The following ZNRF3 variants were observed in gnomAD, a reference collection of about 807,000 sequenced individuals.
The protein encoded by ZNRF3 is zinc and ring finger 3.
Under a neutral mutation model 72.5 loss-of-function variants are expected in ZNRF3, and 23 were observed. The ratio of observed to expected loss-of-function variants is 0.32; its 90% CI spans 0.23 to 0.45. ZNRF3 has a LOEUF of 0.45. Among genes scored for constraint, ZNRF3 ranks in the 20% least tolerant of loss-of-function variants. The probability of loss-of-function intolerance (pLI) is 1.00; values close to 1 mark genes in which losing one functional copy is unlikely to be tolerated. For missense variants in ZNRF3, 1,169 were observed against 1,272.1 expected (o/e 0.92, Z 1.23); for synonymous variants, 610 against 545.3 (o/e 1.12, Z -1.65).
intron 1 of ZNRF3, among the ~76,000 whole-genome samples, chr22:28,976,221 C>CT (rs1213052395): frequency 6.6e-6 from 1 of 152,182 alleles, no homozygotes; most frequent in African/African-American, 2.4e-5. Context: ...TGCCACTGCA[C>CT]TCCAGCATGG....
Position 29,057,299 on chromosome 22 carries a change from G to A in ZNRF3, c.*3677G>A, listed in dbSNP as rs2037317069. The A allele has an allele frequency of 6.6e-6, 1 of 152,184 alleles. No homozygotes were observed. The highest frequency in any genetic ancestry group is 2.1e-4 in the South Asian group (1 of 4,838). 9.4% of individuals were successfully genotyped at this position (152,184 alleles called of 1,614,324 possible). ...TCTTAAGCCATGTCTTATGTTGAGA[G>A]TGTGACATTGTTGGAATAATCATTG... On this transcript the variant is annotated 3_prime_UTR_variant, in exon 9 of 9. Transcript: ENST00000544604.
intron 1 of ZNRF3, among the ~76,000 whole-genome samples, chr22:28,895,389 T>C (rs978705308): frequency 2.0e-5 from 3 of 152,216 alleles, no homozygotes; most frequent in Admixed American, 6.5e-5. Flanking sequence ...TTGAAAATGC[T>C]GTGACTCCGG....
intron 6 of ZNRF3, among the ~76,000 whole-genome samples, chr22:29,047,543 C>T (rs2037098887): frequency 6.6e-6 from 1 of 152,198 alleles, no homozygotes; most frequent in South Asian, 2.1e-4. Context: ...GGGTTCTAAT[C>T]CTGACCTGGG....
intron 1 of ZNRF3, among the ~76,000 whole-genome samples, chr22:28,939,113 C>T (rs1176770305): frequency 6.6e-6 from 1 of 151,926 alleles, no homozygotes; most frequent in Non-Finnish European, 1.5e-5. Flanking sequence ...GGCAAAACTC[C>T]GTCTTTACTA....
At chr22:29,014,498 C>T (rs957836259) in intron 2 of ZNRF3, among the ~76,000 whole-genome samples, 2 of 152,164 alleles carry the variant, frequency 1.3e-5, no homozygotes, top group African/African-American at 4.8e-5. Context: ...ATCTCCCTGC[C>T]GCTCCGTGTT....
At chr22:28,979,715 C>T (rs2035732218) in intron 1 of ZNRF3, among the ~76,000 whole-genome samples, 1 of 152,214 alleles carries the variant, frequency 6.6e-6, no homozygotes, top group South Asian at 2.1e-4. Context: ...GGCCTGCCTC[C>T]AGGCCAGAGG....
chr22:29,002,557 A>C (rs1431265589), intron 2 of ZNRF3, among the ~76,000 whole-genome samples: 2 of 152,204 alleles, frequency 1.3e-5, no homozygotes, highest in African/African-American at 4.8e-5. Context: ...TAGAATGTTA[A>C]AGATCTAAAA....
chr22:28,892,091 C>T (rs74346001), intron 1 of ZNRF3, among the ~76,000 whole-genome samples: 82 of 152,342 alleles, frequency 5.4e-4, no homozygotes, highest in African/African-American at 1.9e-3. Context: ...AAAGAGGTCA[C>T]GTCCCATGTT....
intron 1 of ZNRF3, among the ~76,000 whole-genome samples, chr22:28,932,763 G>T (rs1032605912): frequency 3.9e-5 from 6 of 152,178 alleles, no homozygotes; most frequent in Non-Finnish European, 8.8e-5. Flanking sequence ...CGTCACAGAA[G>T]AAAGTCACCA....
At chr22:29,040,186 C>T (rs566223294) in intron 2 of ZNRF3, among the ~76,000 whole-genome samples, 1 of 145,920 alleles carries the variant, frequency 6.9e-6, no homozygotes, top group Middle Eastern at 3.5e-3. Context: ...CCCCCTCCCC[C>T]TTTTTTTTTT....
rs974642036 is a variant in ZNRF3, at chr22:29,055,550, C to G, written c.*1928C>G. The G allele has an allele frequency of 6.6e-6, 1 of 152,260 alleles. No individual in the cohort carries two copies. The allele number at this position is 152,260 out of a possible 1,614,324, so 9.4% of individuals were successfully genotyped here. ...CCACTGAGGCTTCACTGGTGAGATC[C>G]GTTCTCCGTCCTCGGGTGCAGTCCC... On this transcript the variant is annotated 3_prime_UTR_variant, in exon 9 of 9. Coordinates refer to ENST00000544604, the MANE Select transcript of ZNRF3 (RefSeq NM_001206998.2).
intron 2 of ZNRF3, among the ~76,000 whole-genome samples, chr22:28,994,272 C>T (rs937059144): frequency 1.3e-4 from 19 of 146,896 alleles, no homozygotes; most frequent in East Asian, 1.0e-3. Flanking sequence ...CTGCAACCTC[C>T]GCCTCCCGGG....
intron 1 of ZNRF3, among the ~76,000 whole-genome samples, chr22:28,957,082 T>C (rs1284475440): frequency 1.3e-5 from 2 of 152,234 alleles, no homozygotes; most frequent in Non-Finnish European, 2.9e-5. Flanking sequence ...GGAAGTAGAA[T>C]GACAAAGCAG....
At chr22:28,920,086 C>T (rs2034482840) in intron 1 of ZNRF3, among the ~76,000 whole-genome samples, 1 of 151,882 alleles carries the variant, frequency 6.6e-6, no homozygotes, top group African/African-American at 2.4e-5. Flanking sequence ...TCTCGTGCCT[C>T]AGCCTCCCGA....
chr22:29,005,852 A>G (rs1231593911), intron 2 of ZNRF3, among the ~76,000 whole-genome samples: 4 of 152,090 alleles, frequency 2.6e-5, no homozygotes, highest in African/African-American at 9.7e-5. Context: ...CCTGACCAAC[A>G]TGGAGAAACC....
At chr22:28,992,026 G>A (rs534486760) in intron 2 of ZNRF3, among the ~76,000 whole-genome samples, 160 of 152,078 alleles carry the variant, frequency 1.1e-3, no homozygotes, top group African/African-American at 3.8e-3. Context: ...GGTGGCACGA[G>A]CCTGTAGTAC....
chr22:28,929,262 GT>G (rs1208562243), intron 1 of ZNRF3, among the ~76,000 whole-genome samples: 4 of 152,244 alleles, frequency 2.6e-5, no homozygotes, highest in Non-Finnish European at 4.4e-5. Flanking sequence ...ATATAACAGT[GT>G]CTGTAGGTCT....
At chr22:28,974,432 C>T (rs1003407400) in intron 1 of ZNRF3, among the ~76,000 whole-genome samples, 1 of 152,146 alleles carries the variant, frequency 6.6e-6, no homozygotes, top group Non-Finnish European at 1.5e-5. Flanking sequence ...TTCAAACTCC[C>T]GATTAAACAA....
chr22:28,950,705 G>C (rs905198493), intron 1 of ZNRF3, among the ~76,000 whole-genome samples: 4 of 152,208 alleles, frequency 2.6e-5, no homozygotes, highest in African/African-American at 9.6e-5. Context: ...CTTGACTGAT[G>C]TCTAGTTCAG....
Sources: allele counts gnomAD v4.1 joint callset (sites outside exome capture counted in the v4.1 genomes callset), GRCh38; gene constraint gnomAD v4.1.1; transcripts MANE v1.5; gene names NCBI Gene and HGNC (gene_info 2026-07-23, HGNC 2026-07-21).